The following NTN1 variants were observed in gnomAD, a reference collection of about 807,000 sequenced individuals.
NTN1 encodes the protein netrin-1.
NTN1 carries 11 observed loss-of-function variants against 54.2 expected under a neutral mutation model. The ratio of observed to expected loss-of-function variants is 0.20; its 90% CI spans 0.13 to 0.34. The LOEUF (loss-of-function observed/expected upper bound fraction) is 0.34. Among genes scored for constraint, NTN1 ranks in the 10% least tolerant of loss-of-function variants. NTN1 has a pLI of 1.00. For missense variants in NTN1, 740 were observed against 893.1 expected (o/e 0.83, Z 2.18); for synonymous variants, 371 against 382.0 (o/e 0.97, Z 0.33).
In NTN1 at chr17:9,083,645, C is replaced by G. The variant is rs151014438; in HGVS notation, c.1018+60254C>G. Among the ~76,000 whole-genome samples the G allele has an allele frequency of 1.8e-3, 267 of 152,250 alleles. 1 individual carries two copies. The highest frequency in any genetic ancestry group is 0.015 in the Admixed American group (228 of 15,280). On this transcript the variant is annotated intron_variant, in intron 2 of 6. Coordinates refer to ENST00000173229, the MANE Select transcript of NTN1 (RefSeq NM_004822.3). ...GATGCTGTGGTGTGTGGATACGAAG[C>G]CTGGAACTGCTGCATCCCCTTTGCT...
chr17:9,192,952 C>G (rs1475823462), intron 5 of NTN1, among the ~76,000 whole-genome samples: 2 of 151,886 alleles, frequency 1.3e-5, no homozygotes, highest in African/African-American at 4.8e-5. Flanking sequence ...TGGTGGCACG[C>G]GCCTGTAGTC....
intron 2 of NTN1, among the ~76,000 whole-genome samples, chr17:9,083,185 G>A (rs533196256): frequency 6.6e-6 from 1 of 152,012 alleles, no homozygotes; most frequent in Admixed American, 6.6e-5. Flanking sequence ...TGCAAGCTCC[G>A]CCTCCCAGGT....
chr17:9,138,649 G>A (rs934931816), intron 2 of NTN1, among the ~76,000 whole-genome samples: 8 of 152,324 alleles, frequency 5.3e-5, no homozygotes, highest in Admixed American at 1.3e-4. Flanking sequence ...GCCGCGTGCC[G>A]GGTACCGCGA....
intron 2 of NTN1, among the ~76,000 whole-genome samples, chr17:9,142,883 T>A (rs2092302298): frequency 6.6e-6 from 1 of 152,162 alleles, no homozygotes; most frequent in South Asian, 2.1e-4. Context: ...ATGAAATCAA[T>A]ATGTAAAGTC....
chr17:9,239,123 G>A lies in NTN1; in HGVS notation c.1487-517G>A, dbSNP rs1906097351. ...AAAAGGCACTACGGCCACCCCAAAG[G>A]GTGGGTTCTCATCTTCTGTCCCTGA... On this transcript the variant is annotated intron_variant, in intron 6 of 6. Transcript: ENST00000173229. The surrounding 1 kb of genome is among the most constrained non-coding windows in gnomAD (Gnocchi z 5.2). Among the ~76,000 whole-genome samples the A allele has an allele frequency of 6.6e-6, 1 of 152,188 alleles. No homozygotes were observed. Among genetic ancestry groups the A allele is most frequent in the African/African-American group, 2.4e-5 (1 of 41,434 alleles).
chr17:9,227,838 G>A (rs926440053), intron 6 of NTN1, among the ~76,000 whole-genome samples: 6 of 148,210 alleles, frequency 4.0e-5, no homozygotes, highest in Admixed American at 1.3e-4. Flanking sequence ...CATACCACAC[G>A]CATTATCGCA....
intron 6 of NTN1, among the ~76,000 whole-genome samples, chr17:9,222,125 G>A (rs1291670447): frequency 6.6e-6 from 1 of 152,238 alleles, no homozygotes; most frequent in African/African-American, 2.4e-5. Context: ...TCCAGGCCTG[G>A]TTCTTTCTAG....
At chr17:9,198,731 C>T (rs914710654) in intron 5 of NTN1, among the ~76,000 whole-genome samples, 9 of 152,290 alleles carry the variant, frequency 5.9e-5, no homozygotes, top group African/African-American at 1.9e-4. Context: ...GGAACTGGAG[C>T]GAGAGAATCA....
chr17:9,164,387 C>T (rs1039104793), intron 3 of NTN1, among the ~76,000 whole-genome samples: 18 of 150,814 alleles, frequency 1.2e-4, no homozygotes, highest in African/African-American at 7.3e-5. Flanking sequence ...ATCGCGCCAC[C>T]GCACTCCAGC....
At chr17:9,209,120 C>A (rs536017222) in intron 5 of NTN1, among the ~76,000 whole-genome samples, 1 of 152,248 alleles carries the variant, frequency 6.6e-6, no homozygotes, top group Non-Finnish European at 1.5e-5. Context: ...TTACCCATCT[C>A]ACGGCACCAT....
At chr17:9,189,206 C>T (rs530924766) in intron 5 of NTN1, among the ~76,000 whole-genome samples, 116 of 152,302 alleles carry the variant, frequency 7.6e-4, no homozygotes, top group African/African-American at 2.7e-3. Context: ...CATCTCCCCC[C>T]GACCCCTGTT....
At position 9,239,980 on chromosome 17, in the gene NTN1, C is replaced by T; in HGVS notation, c.*12C>T. 6.0e-4 allele frequency: 6 copies of T among 10,018 alleles called. No individual in the cohort carries two copies. Among genetic ancestry groups the T allele is most frequent in the Non-Finnish European group, 1.1e-3 (6 of 5,228 alleles). 0.6% of individuals were successfully genotyped at this position (10,018 alleles called of 1,614,324 possible). On this transcript the variant is annotated 3_prime_UTR_variant, in exon 7 of 7. Coordinates refer to ENST00000173229, the MANE Select transcript of NTN1 (RefSeq NM_004822.3). This position sits in a 1 kb window ranked among gnomAD's most constrained non-coding sequence, Gnocchi z 5.2. Reference sequence around the variant, plus strand: ...GCAAGAAGGCCTAGCGCCGAGGCAGCGGGCGGGCGGGCGGGCGGGCGCCAG... The same window carrying T: ...GCAAGAAGGCCTAGCGCCGAGGCAGTGGGCGGGCGGGCGGGCGGGCGCCAG...
At chr17:9,188,604 C>CAAGCA (rs1904354881) in intron 5 of NTN1, among the ~76,000 whole-genome samples, 1 of 151,972 alleles carries the variant, frequency 6.6e-6, no homozygotes, top group Non-Finnish European at 1.5e-5. Context: ...CAATGGGGGA[C>CAAGCA]ATGCTTGTCT....
At chr17:9,017,981 G>A (rs944939867), upstream of NTN1, among the ~76,000 whole-genome samples, 2 of 152,190 alleles carry the variant, frequency 1.3e-5, no homozygotes, top group Non-Finnish European at 2.9e-5. Context: ...GGATGATAGA[G>A]GACTGGTTTC....
At chr17:9,223,721 C>T (rs1413254222) in intron 6 of NTN1, among the ~76,000 whole-genome samples, 5 of 152,190 alleles carry the variant, frequency 3.3e-5, no homozygotes, top group Admixed American at 1.3e-4. Flanking sequence ...TTGAGCAGGA[C>T]GCCCAAGGCT....
chr17:9,166,196 CA>C (rs2092372904), intron 3 of NTN1, among the ~76,000 whole-genome samples: 1 of 126,570 alleles, frequency 7.9e-6, no homozygotes, highest in Non-Finnish European at 1.8e-5. Context: ...CCACCACCAC[CA>C]CCACCACCAC....
At chr17:9,115,162 A>G (rs1444476213) in intron 2 of NTN1, among the ~76,000 whole-genome samples, 3 of 152,178 alleles carry the variant, frequency 2.0e-5, no homozygotes, top group Non-Finnish European at 4.4e-5. Context: ...GAGAGAAAGG[A>G]CTGTGTAAGT....
chr17:9,025,011 T>C (rs750255570), intron 2 of NTN1, among the ~76,000 whole-genome samples: 19 of 152,256 alleles, frequency 1.2e-4, no homozygotes, highest in Non-Finnish European at 2.4e-4. Flanking sequence ...AAGCCCTTTA[T>C]TGACATTTAA....
intron 2 of NTN1, among the ~76,000 whole-genome samples, chr17:9,088,292 T>C (rs146760132): frequency 6.6e-6 from 1 of 152,330 alleles, no homozygotes; most frequent in Non-Finnish European, 1.5e-5. Flanking sequence ...TTGGAATTTC[T>C]TATTGTCCTG....
Sources: gnomAD v4.1 joint callset for allele counts (sites outside exome capture counted in the v4.1 genomes callset) on GRCh38, gnomAD v4.1.1 for gene constraint, Gnocchi (gnomAD v3.1) non-coding constraint, MANE v1.5 for transcripts, NCBI Gene and HGNC (gene_info 2026-07-23, HGNC 2026-07-21) for gene names.